Variants in CHRNG observed in about 807,000 individuals in gnomAD.
CHRNG encodes the protein acetylcholine receptor subunit gamma.
A neutral mutation model predicts 65.2 loss-of-function variants in CHRNG; 72 were observed. The ratio of observed to expected loss-of-function variants is 1.10; its 90% CI spans 0.91 to 1.34. The LOEUF is 1.34. Ranked by LOEUF, CHRNG falls within the 40% of genes most tolerant of loss-of-function variation. CHRNG has a pLI of 0.00. For synonymous variants in CHRNG, 284 were observed against 290.2 expected, an observed-to-expected ratio of 0.98 and a Z score of 0.22; for missense variants, 637 against 680.1, an observed-to-expected ratio of 0.94 and a Z score of 0.70.
chr2:232,544,887 G>A lies in CHRNG; in HGVS notation c.1365G>A (p.Gln455=). ...TCATTGCCTGTGCCCGGCACCAGCA[G>A]AGTCACTTTGACAATGTAAGCTGAG... ...CNLIACARHQ[Q]SHFDNGNEEW... is the part of the protein sequence containing the mutation. Residue 455 remains glutamine (Q), a synonymous_variant, in exon 11 of 12, where the codon CAG becomes CAA. Transcript: ENST00000651502. 6.2e-6 allele frequency: 10 copies of A among 1,614,016 alleles called. No individual in the cohort carries two copies. The highest frequency in any genetic ancestry group is 8.5e-6 in the Non-Finnish European group (10 of 1,180,012).
At position 232,543,059 on chromosome 2, in the gene CHRNG, T is replaced by G; in HGVS notation, c.782T>G (p.Leu261Arg). ...GTGCTCATCTCCTCTGTCGCCATCC[T>G]CATCCACTTCCTTCCTGCCAAGGGT... ...PCVLISSVAI[L>R]IHFLPAKAGG... is the part of the protein sequence containing the mutation. The change falls in exon 7 of 12, where the codon CTC becomes CGC. Residue 261 changes from leucine (L) to arginine (R), a missense_variant. By Grantham distance (102) the Leu-to-Arg change is moderately radical. Coordinates refer to ENST00000651502, the MANE Select transcript of CHRNG (RefSeq NM_005199.5). 6.2e-7 allele frequency: 1 copy of G among 1,614,206 alleles called. No homozygotes were observed.
chr2:232,542,425 C>T lies in CHRNG; in HGVS notation c.509C>T (p.Ser170Phe). Residue 170 changes from serine (S) to phenylalanine (F), a missense_variant and splice_region_variant, in exon 6 of 12, where the codon TCC becomes TTC. Transcript: ENST00000651502. ...CCTCTTTCCTCGGTGACTCCCAGGT[C>T]CCAGACTTACAGCACCAATGAGATT... ...DWQNCSLIFQ[S>F]QTYSTNEIDL... 6.2e-7 allele frequency: 1 copy of T among 1,611,966 alleles called. No homozygotes were observed. Among genetic ancestry groups the T allele is most frequent in the Non-Finnish European group, 8.5e-7 (1 of 1,178,156 alleles).
rs752319674 is a variant in CHRNG, at chr2:232,540,663, G to A, written c.302G>A (p.Arg101Lys). The change falls in exon 4 of 12, where the codon AGG becomes AAG. Residue 101 changes from arginine (R) to lysine (K), a missense_variant. Coordinates refer to ENST00000651502, the MANE Select transcript of CHRNG (RefSeq NM_005199.5). The surrounding 1 kb of genome is among the most constrained non-coding windows in gnomAD (Gnocchi z 4.2). ...PRDYEGLWVL[R>K]VPSTMVWRPD... is the part of the protein sequence containing the mutation. ...GACTACGAAGGCCTGTGGGTGCTGA[G>A]GGTGCCGTCCACCATGGTGTGGCGG... is the stretch of plus-strand genomic sequence containing the variant. The A allele has an allele frequency of 1.4e-5, 22 of 1,613,100 alleles. No homozygotes were observed. Among genetic ancestry groups the A allele is most frequent in the Non-Finnish European group, 1.7e-5 (20 of 1,180,000 alleles).
chr2:232,542,389 C>T (rs776414812), intron 5 of CHRNG, 34 bp from the exon 6 acceptor site: 36 of 1,476,192 alleles, frequency 2.4e-5, no homozygotes, highest in Non-Finnish European at 3.2e-5. Flanking sequence ...GGTCCACCCG[C>T]TCACATTTAG....
rs1486900857 is a variant in CHRNG, at chr2:232,541,085, G to A, written c.351-289G>A. On this transcript the variant is annotated intron_variant, in intron 4 of 11. Transcript: ENST00000651502. This position sits in a 1 kb window ranked among gnomAD's most constrained non-coding sequence, Gnocchi z 4.0. Reference sequence around the variant, plus strand: ...ATGGTGTGGGCTTAACACATTAGTCGCTATTATGACTATTATTATTATTAT... The same window carrying A: ...ATGGTGTGGGCTTAACACATTAGTCACTATTATGACTATTATTATTATTAT... Among the ~76,000 whole-genome samples, 1 of 149,028 alleles carries A rather than the reference G, an allele frequency of 6.7e-6. No individual in the cohort carries two copies. Among genetic ancestry groups the A allele is most frequent in the Non-Finnish European group, 1.5e-5 (1 of 67,008 alleles).
rs1403728384 is a variant in CHRNG at position 232,544,857 on chromosome 2, C to G, written c.1335C>G (p.Cys445Trp). 1 of 1,613,902 alleles carries G rather than the reference C, an allele frequency of 6.2e-7. No individual in the cohort carries two copies. The highest frequency in any genetic ancestry group is 2.2e-5 in the East Asian group (1 of 44,882). Residue 445 changes from cysteine (C) to tryptophan (W), a missense_variant, in exon 11 of 12, where the codon TGC becomes TGG. Cys to Trp is a radical substitution (Grantham distance 215). Coordinates refer to ENST00000651502, the MANE Select transcript of CHRNG (RefSeq NM_005199.5). ...CCATCCAGGCCTGTGTGGAAGCCTG[C>G]AACCTCATTGCCTGTGCCCGGCACC... ...APAIQACVEA[C>W]NLIACARHQQ...
rs1692046326 is a variant in CHRNG, at chr2:232,542,900, T to C, written c.623T>C (p.Ile208Thr). The C allele has an allele frequency of 1.2e-6, 2 of 1,613,860 alleles. No individual in the cohort carries two copies. Among genetic ancestry groups the C allele is most frequent in the Admixed American group, 1.7e-5 (1 of 60,028 alleles). ...EAFTENGEWA[I>T]QHRPAKMLLD... ...CCCGCAGAGAATGGGGAGTGGGCCA[T>C]CCAGCACCGACCAGCCAAGATGCTC... Residue 208 changes from isoleucine to threonine, a missense_variant, in exon 7 of 12, where the codon ATC becomes ACC. Transcript: ENST00000651502.
chr2:232,540,244 G>A lies in CHRNG; in HGVS notation c.195+113G>A. 6.2e-7 allele frequency: 1 copy of A among 1,603,560 alleles called. No homozygotes were observed. Among genetic ancestry groups the A allele is most frequent in the South Asian group, 1.1e-5 (1 of 90,640 alleles). On this transcript the variant is annotated intron_variant, in intron 2 of 11. Coordinates refer to ENST00000651502, the MANE Select transcript of CHRNG (RefSeq NM_005199.5). The surrounding 1 kb of genome is among the most constrained non-coding windows in gnomAD (Gnocchi z 4.2). ...TGGAGGGCCCTAAATCGGACAGGCT[G>A]GGGTCTGGAAAACCCCCATGGTTGT...
chr2:232,547,938 C>T lies in CHRNG; in HGVS notation c.*2222C>T, dbSNP rs950151199. The T allele has an allele frequency of 2.0e-5, 9 of 453,004 alleles. No individual in the cohort carries two copies. The highest frequency in any genetic ancestry group is 6.1e-5 in the African/African-American group (3 of 49,134). The allele number at this position is 453,004 out of a possible 1,614,324, so 28.1% of individuals were successfully genotyped here. A position where few individuals can be genotyped will look rare whatever the true frequency, so the allele number is the denominator to read the frequency against. ...CCTCAAAGACATTGCAGGTTCAGTT[C>T]CAGACCAACACAAGAAAGCAAGTCA... On this transcript the variant is annotated 3_prime_UTR_variant, in exon 12 of 12. Transcript: ENST00000651502.
At chr2:232,544,332 G>T in intron 9 of CHRNG, 35 bp from the exon 10 acceptor site, 1 of 1,531,418 alleles carries the variant, frequency 6.5e-7, no homozygotes. Context: ...TCTGAAGCTC[G>T]GCCTGCTGCC....
In CHRNG at chr2:232,542,473, A is replaced by G. The variant is rs753280990; in HGVS notation, c.557A>G (p.Asp186Gly). The G allele has an allele frequency of 6.2e-7, 1 of 1,614,050 alleles. No homozygotes were observed. Among genetic ancestry groups the G allele is most frequent in the East Asian group, 2.2e-5 (1 of 44,872 alleles). Residue 186 changes from aspartate to glycine, a missense_variant, in exon 6 of 12, where the codon GAT (aspartate) becomes GGT (glycine). Asp to Gly is a moderately conservative substitution (Grantham distance 94, BLOSUM62 -1). Coordinates refer to ENST00000651502, the MANE Select transcript of CHRNG (RefSeq NM_005199.5). ...ATTGATCTGCAGCTGAGTCAGGAAG[A>G]TGGCCAGACCATCGAGTGGATTTTC... ...NEIDLQLSQE[D>G]GQTIEWIFID...
rs1331171136 is a variant in CHRNG at position 232,540,765 on chromosome 2, C to A, written c.350+54C>A. 2 of 1,480,498 alleles carry A rather than the reference C, an allele frequency of 1.4e-6. No individual in the cohort carries two copies. The highest frequency in any genetic ancestry group is 9.3e-7 in the Non-Finnish European group (1 of 1,077,262). 91.7% of individuals were successfully genotyped at this position (1,480,498 alleles called of 1,614,324 possible). A position where few individuals can be genotyped will look rare whatever the true frequency, so the allele number is the denominator to read the frequency against. ...GGGGACAAAGGACACAGGGTCTGGG[C>A]CCAGCAGAACAAGGCACTCTGGGAA... On this transcript the variant is annotated intron_variant, in intron 4 of 11. Transcript: ENST00000651502. This position sits in a 1 kb window ranked among gnomAD's most constrained non-coding sequence, Gnocchi z 4.2.
At position 232,547,535 on chromosome 2, in the gene CHRNG, A is replaced by G. The variant is rs1692154061; in HGVS notation, c.*1819A>G. On this transcript the variant is annotated 3_prime_UTR_variant, in exon 12 of 12. Coordinates refer to ENST00000651502, the MANE Select transcript of CHRNG (RefSeq NM_005199.5). The stretch of plus-strand genomic sequence containing the variant: ...GGAAATATGCCCTCCCTCCAAGCAC[A>G]GGATTGCTGTCTTTGGGATTCAATC... 6.6e-6 allele frequency among the ~76,000 whole-genome samples: 1 copy of G among 152,260 alleles called. No homozygotes were observed. Among genetic ancestry groups the G allele is most frequent in the Non-Finnish European group, 1.5e-5 (1 of 68,038 alleles).
In CHRNG at chr2:232,547,247, C is replaced by T. The variant is rs1280085932; in HGVS notation, c.*1531C>T. Reference sequence around the variant, plus strand: ...GCCTGGGCAACATGGGGACACCCGGCCTCTACCAAAAAATACAAAACTTAG... The same window carrying T: ...GCCTGGGCAACATGGGGACACCCGGTCTCTACCAAAAAATACAAAACTTAG... On this transcript the variant is annotated 3_prime_UTR_variant, in exon 12 of 12. Transcript: ENST00000651502. Among the ~76,000 whole-genome samples the T allele has an allele frequency of 6.6e-6, 1 of 151,926 alleles. No individual in the cohort carries two copies. Among genetic ancestry groups the T allele is most frequent in the Non-Finnish European group, 1.5e-5 (1 of 67,976 alleles).
Position 232,546,186 on chromosome 2 carries a change from T to C in CHRNG, c.*470T>C, listed in dbSNP as rs1405432289. 1 of 222,932 alleles carries C rather than the reference T, an allele frequency of 4.5e-6. No individual in the cohort carries two copies. Among genetic ancestry groups the C allele is most frequent in the Non-Finnish European group, 9.1e-6 (1 of 109,868 alleles). The allele number at this position is 222,932 out of a possible 1,614,324, so 13.8% of individuals were successfully genotyped here. On this transcript the variant is annotated 3_prime_UTR_variant, in exon 12 of 12. Coordinates refer to ENST00000651502, the MANE Select transcript of CHRNG (RefSeq NM_005199.5). ...GGGCAGCAGCCCATACCAGCTGGCA[T>C]CTCCCCCCCGTGCCTTCTGGGTACA...
At position 232,548,078 on chromosome 2, in the gene CHRNG, A is replaced by C. The variant is rs1220992953; in HGVS notation, c.*2362A>C. 1.6e-6 allele frequency: 1 copy of C among 607,810 alleles called. No homozygotes were observed. Among genetic ancestry groups the C allele is most frequent in the Non-Finnish European group, 2.8e-6 (1 of 355,840 alleles). The allele number at this position is 607,810 out of a possible 1,614,324, so 37.7% of individuals were successfully genotyped here. A position where few individuals can be genotyped will look rare whatever the true frequency, so the allele number is the denominator to read the frequency against. On this transcript the variant is annotated 3_prime_UTR_variant, in exon 12 of 12. Transcript: ENST00000651502. ...AACAATATACATACCTAAATTTAAA[A>C]ATACTTTATTGCTAAAAAATGCTGA...
In CHRNG at chr2:232,543,131, T is replaced by C. The variant is rs759808539; in HGVS notation, c.805+49T>C. On this transcript the variant is annotated intron_variant, in intron 7 of 11. Transcript: ENST00000651502. ...GCCATCCAGTAGCACAGGGGACACC[T>C]GGGAGGCCGGGGTGGGCCCTGCCTG... The C allele has an allele frequency of 1.9e-6, 3 of 1,589,846 alleles. No individual in the cohort carries two copies. The Admixed American group carries it at 5.0e-5, about 26-fold the overall frequency.
chr2:232,543,644 T>C lies in CHRNG; in HGVS notation c.980T>C (p.Leu327Pro). The change falls in exon 9 of 12, where the codon CTC (leucine) becomes CCC (proline). Residue 327 changes from leucine to proline, a missense_variant. By Grantham distance (98) the Leu-to-Pro change is moderately conservative (BLOSUM62 -3). Transcript: ENST00000651502. ...ILIVVNAVVV[L>P]NVSLRSPHTH... ...ATTGTCGTGAATGCTGTGGTTGTGC[T>C]CAATGTCTCCTTGCGGTCTCCACAC... 6.2e-7 allele frequency: 1 copy of C among 1,613,960 alleles called. No homozygotes were observed. The highest frequency in any genetic ancestry group is 8.5e-7 in the Non-Finnish European group (1 of 1,179,886).
At chr2:232,543,172 T>C (rs1692052952) in intron 7 of CHRNG, 90 bp downstream of exon 7, 4 of 1,531,614 alleles carry the variant, frequency 2.6e-6, no homozygotes. Flanking sequence ...CAGAGTGGCA[T>C]TACGACCCAG....
Sources: gnomAD v4.1 joint callset for allele counts (sites outside exome capture counted in the v4.1 genomes callset) on GRCh38, gnomAD v4.1.1 for gene constraint, Gnocchi (gnomAD v3.1) non-coding constraint, MANE v1.5 for transcripts, NCBI Gene and HGNC (gene_info 2026-07-23, HGNC 2026-07-21) for gene names.